CCDC47: variants seen among roughly 807,000 people sequenced by gnomAD.
The protein encoded by CCDC47 is coiled-coil domain containing 47.
Under a neutral mutation model 60.5 loss-of-function variants are expected in CCDC47, and 41 were observed. The ratio of observed to expected loss-of-function variants is 0.68; its 90% CI spans 0.53 to 0.88. The LOEUF is 0.88. CCDC47 is among the 40% of genes least tolerant of loss of function. The pLI, the probability that CCDC47 is intolerant of heterozygous loss-of-function variation, is 0.00. For synonymous variants in CCDC47, 195 were observed against 190.7 expected, an observed-to-expected ratio of 1.02 and a Z score of -0.18; for missense variants, 513 against 580.9, an observed-to-expected ratio of 0.88 and a Z score of 1.20.
intron 1 of CCDC47, among the ~76,000 whole-genome samples, chr17:63,771,272 A>G (rs2039339673): frequency 6.6e-6 from 1 of 152,122 alleles, no homozygotes; most frequent in African/African-American, 2.4e-5. Flanking sequence ...ATCTAGAGAT[A>G]ATTATATAGT....
intron 12 of CCDC47, among the ~76,000 whole-genome samples, chr17:63,750,375 CA>C (rs572455179): frequency 6.6e-6 from 1 of 151,846 alleles, no homozygotes; most frequent in Non-Finnish European, 1.5e-5. Flanking sequence ...TCAAATAAAA[CA>C]AAAAAATGAT....
At chr17:63,773,114 T>C (rs998162874) in intron 1 of CCDC47, among the ~76,000 whole-genome samples, 7 of 152,236 alleles carry the variant, frequency 4.6e-5, no homozygotes, top group African/African-American at 1.7e-4. Context: ...CAAACACGTT[T>C]CATTTTAGAA....
Position 63,756,501 on chromosome 17 carries a change from A to T in CCDC47, c.805T>A (p.Leu269Met), listed in dbSNP as rs770912460. 6.2e-7 allele frequency: 1 copy of T among 1,614,096 alleles called. No individual in the cohort carries two copies. The highest frequency in any genetic ancestry group is 1.1e-5 in the South Asian group (1 of 91,088). ...YVFAVGTRKALVRLQKEMQDL... is the reference protein window; with the variant it reads ...YVFAVGTRKAMVRLQKEMQDL... Reference sequence around the variant, plus strand: ...TGCATCTCTTTCTGTAGTCGCACCAAGGCTTTCCGTGTGCCAACAGCAAAT... The same window carrying T: ...TGCATCTCTTTCTGTAGTCGCACCATGGCTTTCCGTGTGCCAACAGCAAAT... Residue 269 changes from leucine to methionine, a missense_variant, in exon 7 of 13, where the codon TTG becomes ATG. Leu to Met is a conservative substitution (Grantham distance 15). Coordinates refer to ENST00000225726, the MANE Select transcript of CCDC47 (RefSeq NM_020198.3).
At chr17:63,750,590 C>CTT (rs71155982) in intron 12 of CCDC47, among the ~76,000 whole-genome samples, 2 of 145,890 alleles carry the variant, frequency 1.4e-5, no homozygotes, top group African/African-American at 2.5e-5. Flanking sequence ...TGTCCTCTCC[C>CTT]TTTTTTTTTT....
intron 8 of CCDC47, 52 bp downstream of exon 8, chr17:63,756,188 G>A (rs1879029792): frequency 8.5e-7 from 1 of 1,173,658 alleles, no homozygotes; most frequent in Non-Finnish European, 1.3e-6. Context: ...TTTAGGGAGA[G>A]TGTCCTGTAA....
At chr17:63,765,431 C>T (rs1324759823) in intron 2 of CCDC47, among the ~76,000 whole-genome samples, 1 of 152,046 alleles carries the variant, frequency 6.6e-6, no homozygotes, top group African/African-American at 2.4e-5. Flanking sequence ...ACCTCCACCT[C>T]CCAGGTTCAA....
intron 10 of CCDC47, 67 bp from the exon 11 acceptor site, chr17:63,752,496 CTT>C (rs1235641713): frequency 1.9e-3 from 1,655 of 878,006 alleles, no homozygotes; most frequent in South Asian, 3.3e-3. Context: ...TCACCCAACT[CTT>C]TTTTTTTTTT....
intron 1 of CCDC47, among the ~76,000 whole-genome samples, chr17:63,770,168 G>T (rs1471354309): frequency 6.6e-6 from 1 of 151,846 alleles, no homozygotes; most frequent in Non-Finnish European, 1.5e-5. Context: ...TCACCATGTT[G>T]GCCAGGTTGG....
At chr17:63,761,624 C>G in intron 4 of CCDC47, 1 of 229,886 alleles carries the variant, frequency 4.3e-6, no homozygotes, top group Non-Finnish European at 8.1e-6. Flanking sequence ...TTGAACCCGG[C>G]AGGCGGAGGT....
In CCDC47 at chr17:63,764,822, T is replaced by C. The variant is rs1215612376; in HGVS notation, c.290A>G (p.Tyr97Cys). Residue 97 changes from tyrosine (Y) to cysteine (C), a missense_variant, in exon 3 of 13, where the codon TAT (tyrosine) becomes TGT (cysteine). Transcript: ENST00000225726. ...TQEGDTESEP[Y>C]DDEEFEGYED... ...ATAACCTTCAAATTCTTCATCATCA[T>C]ATGGTTCACTCTCAGTATCTCCCTC... 1.2e-6 allele frequency: 2 copies of C among 1,613,452 alleles called. No homozygotes were observed. Among genetic ancestry groups the C allele is most frequent in the Non-Finnish European group, 1.7e-6 (2 of 1,179,836 alleles).
At chr17:63,764,669 A>G in intron 3 of CCDC47, 71 bp downstream of exon 3, 1 of 1,350,854 alleles carries the variant, frequency 7.4e-7, no homozygotes, top group Non-Finnish European at 1.0e-6. Context: ...ATACATCATT[A>G]ATTTTATTTC....
At chr17:63,765,776 T>A (rs553535093) in intron 2 of CCDC47, 136 bp downstream of exon 2, 2 of 1,352,696 alleles carry the variant, frequency 1.5e-6, no homozygotes, top group East Asian at 4.7e-5. Flanking sequence ...CACAGAACAT[T>A]TAGAAGAGCT....
intron 8 of CCDC47, 133 bp from the exon 9 acceptor site, chr17:63,754,651 T>C: frequency 3.5e-6 from 2 of 566,038 alleles, no homozygotes; most frequent in Non-Finnish European, 6.3e-6. Flanking sequence ...GGCAGGTGGA[T>C]TACTTGAGGC....
Position 63,752,769 on chromosome 17 carries a change from A to C in CCDC47, c.1065T>G (p.Thr355=). 6.2e-7 allele frequency: 1 copy of C among 1,612,722 alleles called. No homozygotes were observed. The highest frequency in any genetic ancestry group is 8.5e-7 in the Non-Finnish European group (1 of 1,179,408). The change falls in exon 10 of 13, where the codon ACT becomes ACG. Residue 355 remains threonine (T), a synonymous_variant. Coordinates refer to ENST00000225726, the MANE Select transcript of CCDC47 (RefSeq NM_020198.3). ...EEGQPLKLPD[T]KRTLLFTFNV... is the part of the protein sequence containing the mutation. ...TAAATGTAAACAACAGTGTCCTCTT[A>C]GTGTCAGGTAGCTTTAAAGGCTGAC...
Position 63,765,892 on chromosome 17 carries a change from A to G in CCDC47, c.264+20T>C. 6.3e-7 allele frequency: 1 copy of G among 1,586,440 alleles called. No individual in the cohort carries two copies. Among genetic ancestry groups the G allele is most frequent in the Non-Finnish European group, 8.6e-7 (1 of 1,169,034 alleles). Reference sequence around the variant, plus strand: ...TGCTAGTTACAAATTTTTCCAATAAATTAATAAAAAGAGCCTCACCTGGGT... The same window carrying G: ...TGCTAGTTACAAATTTTTCCAATAAGTTAATAAAAAGAGCCTCACCTGGGT... On this transcript the variant is annotated intron_variant, in intron 2 of 12. Transcript: ENST00000225726.
intron 1 of CCDC47, among the ~76,000 whole-genome samples, chr17:63,773,169 C>T (rs554517801): frequency 2.6e-5 from 4 of 152,318 alleles, no homozygotes; most frequent in African/African-American, 9.6e-5. Flanking sequence ...TTCTATTAAA[C>T]CCCTTTGCCT....
intron 1 of CCDC47, among the ~76,000 whole-genome samples, chr17:63,768,113 T>C (rs1197898452): frequency 6.6e-6 from 1 of 152,208 alleles, no homozygotes; most frequent in Non-Finnish European, 1.5e-5. Context: ...AAGGATTCAA[T>C]AATCATCAAA....
intron 7 of CCDC47, 56 bp downstream of exon 7, chr17:63,756,413 T>C (rs1400809910): frequency 3.8e-6 from 6 of 1,573,246 alleles, no homozygotes; most frequent in Non-Finnish European, 5.2e-6. Context: ...GCTGAATATG[T>C]GTGTGCTAAG....
chr17:63,753,898 G>A (rs1030783212), intron 9 of CCDC47, among the ~76,000 whole-genome samples: 1 of 152,076 alleles, frequency 6.6e-6, no homozygotes, highest in South Asian at 2.1e-4. Context: ...ACGAGGTCAG[G>A]AGTTCGAGAC....
Sources: gnomAD v4.1 joint callset for allele counts (sites outside exome capture counted in the v4.1 genomes callset) on GRCh38, gnomAD v4.1.1 for gene constraint, MANE v1.5 for transcripts, NCBI Gene and HGNC (gene_info 2026-07-23, HGNC 2026-07-21) for gene names.